Variants in GCNT2 observed in about 807,000 individuals in gnomAD.
The protein encoded by GCNT2 is glucosaminyl (N-acetyl) transferase 2 (I blood group).
In GCNT2, 34 loss-of-function variants were observed where a neutral mutation model predicts 34.2. The ratio of observed to expected loss-of-function variants is 1.00; its 90% CI spans 0.76 to 1.32. The LOEUF is 1.32. Among genes scored for constraint, GCNT2 ranks in the 40% most tolerant of loss-of-function variants. GCNT2 has a pLI of 0.00. For synonymous variants in GCNT2, 212 were observed against 188.0 expected (o/e 1.13, Z -1.04); for missense variants, 584 against 489.4 (o/e 1.19, Z -1.82).
rs144534516 is a variant in GCNT2, at chr6:10,616,435, C to G, written c.926-4916C>G. On this transcript the variant is annotated intron_variant, in intron 3 of 4. Transcript: ENST00000495262. ...TGTCAGCCTGCTTTTATTCTCTTATCTGGCCCCACCCACATCCTGCTGATT... is the reference window on the plus strand; with the variant it reads ...TGTCAGCCTGCTTTTATTCTCTTATGTGGCCCCACCCACATCCTGCTGATT... Among the ~76,000 whole-genome samples, 48 of 152,324 alleles carry G rather than the reference C, an allele frequency of 3.2e-4. No individual in the cohort carries two copies. In the East Asian group the frequency reaches 8.5e-3, roughly 27 times the overall value.
At chr6:10,549,595 A>T in intron 3 of GCNT2, among the ~76,000 whole-genome samples, 1 of 110,196 alleles carries the variant, frequency 9.1e-6, no homozygotes, top group Non-Finnish European at 1.7e-5. Flanking sequence ...TTTTTGAGAC[A>T]GGGTCTCGCT....
intron 3 of GCNT2, among the ~76,000 whole-genome samples, chr6:10,611,892 T>C (rs1765575086): frequency 6.6e-6 from 1 of 152,166 alleles, no homozygotes; most frequent in South Asian, 2.1e-4. Flanking sequence ...AAAACACTGG[T>C]ATTTCCTCCA....
In GCNT2 at chr6:10,523,534, G is replaced by A. The variant is rs966482427; in HGVS notation, c.-469+2117G>A. 5.3e-5 allele frequency among the ~76,000 whole-genome samples: 8 copies of A among 150,290 alleles called. 1 individual carries two copies. In the East Asian group the frequency reaches 5.8e-4, roughly 11 times the overall value. Reference sequence around the variant, plus strand: ...TCACAACCCACTTCATTTCCCCCTCGTAGCCTCTTCTTCCCCACAGCTTTC... The same window carrying A: ...TCACAACCCACTTCATTTCCCCCTCATAGCCTCTTCTTCCCCACAGCTTTC... On this transcript the variant is annotated intron_variant, in intron 1 of 4. Transcript: ENST00000495262.
intron 3 of GCNT2, among the ~76,000 whole-genome samples, chr6:10,533,380 C>T (rs1761591388): frequency 6.6e-6 from 1 of 152,022 alleles, no homozygotes; most frequent in Admixed American, 6.6e-5. Context: ...GAAGGGAGAA[C>T]AGCACTGCCC....
intron 3 of GCNT2, among the ~76,000 whole-genome samples, chr6:10,600,399 T>A (rs890518397): frequency 2.0e-5 from 3 of 152,252 alleles, no homozygotes; most frequent in Non-Finnish European, 4.4e-5. Context: ...AGCTTCTTTG[T>A]ATTCTTTAAT....
intron 3 of GCNT2, among the ~76,000 whole-genome samples, chr6:10,605,147 T>A (rs1488017119): frequency 6.6e-6 from 1 of 150,482 alleles, no homozygotes; most frequent in Non-Finnish European, 1.5e-5. Context: ...CCTATCTCTT[T>A]AAAACAAAAA....
intron 3 of GCNT2, among the ~76,000 whole-genome samples, chr6:10,563,615 C>T (rs1406670272): frequency 2.7e-5 from 4 of 150,728 alleles, no homozygotes; most frequent in Non-Finnish European, 5.9e-5. Context: ...GGTGGCAGGA[C>T]CCTGTAATCC....
At position 10,600,688 on chromosome 6, in the gene GCNT2, C is replaced by G. The variant is rs148234574; in HGVS notation, c.926-20663C>G. ...AGCGCTGCTGCTTCTTCTTTCTTTT[C>G]TATTAATGAATGCCTTTTGTATGTT... On this transcript the variant is annotated intron_variant, in intron 3 of 4. Coordinates refer to ENST00000495262, the MANE Select transcript of GCNT2 (RefSeq NM_145649.5). 1.3e-3 allele frequency among the ~76,000 whole-genome samples: 193 copies of G among 152,286 alleles called. 1 individual carries two copies. The highest frequency in any genetic ancestry group is 4.1e-3 in the African/African-American group (170 of 41,562).
In GCNT2 at chr6:10,584,885, ATCTC is replaced by A. The variant is rs777532405; in HGVS notation, c.926-36462_926-36459del. ...TCTACATAGACACAGTAACAATCTG[ATCTC>A]TCTTTCTTTTCCCCACATTTACTTC... On this transcript the variant is annotated intron_variant, in intron 3 of 4. Coordinates refer to ENST00000495262, the MANE Select transcript of GCNT2 (RefSeq NM_145649.5). 2.6e-5 allele frequency among the ~76,000 whole-genome samples: 4 copies of A among 151,396 alleles called. No homozygotes were observed. The East Asian group carries it at 5.9e-4, about 23-fold the overall frequency.
intron 3 of GCNT2, among the ~76,000 whole-genome samples, chr6:10,563,171 T>TA (rs1398200908): frequency 6.6e-6 from 1 of 151,726 alleles, no homozygotes; most frequent in Non-Finnish European, 1.5e-5. Flanking sequence ...AATAAACAAA[T>TA]AAGCACATCC....
chr6:10,583,859 GA>G (rs1260240190), intron 3 of GCNT2, among the ~76,000 whole-genome samples: 2 of 152,152 alleles, frequency 1.3e-5, no homozygotes, highest in African/African-American at 4.8e-5. Flanking sequence ...CTCTCTTTGT[GA>G]AATGGGACCC....
chr6:10,523,051 C>G (rs968763084), intron 1 of GCNT2, among the ~76,000 whole-genome samples: 1 of 152,208 alleles, frequency 6.6e-6, no homozygotes, highest in Non-Finnish European at 1.5e-5. Context: ...GGCCTCGACT[C>G]CGCCTAGTAA....
At chr6:10,533,649 C>T (rs188009874) in intron 3 of GCNT2, among the ~76,000 whole-genome samples, 5 of 149,270 alleles carry the variant, frequency 3.3e-5, no homozygotes, top group South Asian at 4.3e-4. Context: ...ACTAGCCAGG[C>T]GTGGTAGCTT....
intron 3 of GCNT2, chr6:10,585,750 C>G: frequency 7.1e-7 from 1 of 1,404,238 alleles, no homozygotes; most frequent in Non-Finnish European, 9.2e-7. Flanking sequence ...GGATTCAACC[C>G]TGGGGAACTG....
intron 3 of GCNT2, among the ~76,000 whole-genome samples, chr6:10,538,730 T>C (rs1761901062): frequency 6.6e-6 from 1 of 152,080 alleles, no homozygotes; most frequent in African/African-American, 2.4e-5. Flanking sequence ...TATGTATCCA[T>C]ATATATTACC....
intron 3 of GCNT2, among the ~76,000 whole-genome samples, chr6:10,534,500 C>T (rs1761669725): frequency 6.6e-6 from 1 of 152,066 alleles, no homozygotes; most frequent in Non-Finnish European, 1.5e-5. Flanking sequence ...AGAGTCCTGC[C>T]TTGGGTCATG....
At position 10,626,545 on chromosome 6, in the gene GCNT2, A is replaced by G. The variant is rs1017112447; in HGVS notation, c.1147A>G (p.Arg383Gly). ...CCTTACTGTGGAATGCCTAGAACTG[A>G]GGCATCGCGAAAGAACCCTCAATCA... ...YPLTVECLEL[R>G]HRERTLNQSE... Residue 383 changes from arginine to glycine, a missense_variant, in exon 5 of 5, where the codon AGG becomes GGG. Physicochemically the swap from Arg to Gly is moderately radical, Grantham distance 125 (BLOSUM62 -2). Coordinates refer to ENST00000495262, the MANE Select transcript of GCNT2 (RefSeq NM_145649.5). The G allele has an allele frequency of 6.2e-7, 1 of 1,613,980 alleles. No individual in the cohort carries two copies. Among genetic ancestry groups the G allele is most frequent in the African/African-American group, 1.3e-5 (1 of 75,056 alleles).
At chr6:10,532,092 T>TG (rs1761520261) in intron 3 of GCNT2, among the ~76,000 whole-genome samples, 1 of 152,046 alleles carries the variant, frequency 6.6e-6, no homozygotes, top group African/African-American at 2.4e-5. Flanking sequence ...GCTTCCTCAA[T>TG]GGTGAGCAAA....
intron 3 of GCNT2, among the ~76,000 whole-genome samples, chr6:10,546,799 A>G (rs578146207): frequency 3.0e-4 from 45 of 152,318 alleles, no homozygotes; most frequent in African/African-American, 1.1e-3. Flanking sequence ...TTAAAAATGT[A>G]AACAGTACAC....
Sources: allele counts gnomAD v4.1 joint callset (sites outside exome capture counted in the v4.1 genomes callset), GRCh38; gene constraint gnomAD v4.1.1; transcripts MANE v1.5; gene names NCBI Gene and HGNC (gene_info 2026-07-23, HGNC 2026-07-21).